Variants in KCNB2 observed in about 807,000 individuals in gnomAD.
KCNB2 encodes delayed rectifier potassium channel protein.
Under a neutral mutation model 61.5 loss-of-function variants are expected in KCNB2, and 15 were observed. That is an observed-to-expected ratio of 0.24 (90% CI 0.16 to 0.38). KCNB2 has a LOEUF of 0.38. Ranked by LOEUF, KCNB2 falls within the 10% of genes least tolerant of loss-of-function variation. The pLI is 1.00. For synonymous variants in KCNB2, 457 were observed against 446.0 expected (o/e 1.02, Z -0.31); for missense variants, 828 against 1,125.2 (o/e 0.74, Z 3.78).
chr8:72,845,758 C>T (rs1342414949), intron 2 of KCNB2, among the ~76,000 whole-genome samples: 1 of 138,298 alleles, frequency 7.2e-6, no homozygotes, highest in Non-Finnish European at 1.6e-5. Flanking sequence ...ATCACCTACT[C>T]AAGCCTCAGT....
intron 2 of KCNB2, among the ~76,000 whole-genome samples, chr8:72,698,859 TAACTC>T (rs1230407607): frequency 6.6e-6 from 1 of 152,074 alleles, no homozygotes; most frequent in African/African-American, 2.4e-5. Flanking sequence ...ATAAAAAAAT[TAACTC>T]AACATGAATT....
intron 2 of KCNB2, among the ~76,000 whole-genome samples, chr8:72,756,346 TA>T (rs1808289691): frequency 2.0e-5 from 3 of 152,202 alleles, no homozygotes; most frequent in African/African-American, 4.8e-5. Context: ...CTCTGAGTCT[TA>T]CCTCTGTGAT....
At chr8:72,932,694 G>A (rs1806813658) in intron 2 of KCNB2, among the ~76,000 whole-genome samples, 1 of 152,174 alleles carries the variant, frequency 6.6e-6, no homozygotes, top group Admixed American at 6.5e-5. Context: ...CACTCAGTCA[G>A]TGCTGAAACA....
chr8:72,568,749 T>C (rs1806665647), intron 2 of KCNB2, among the ~76,000 whole-genome samples: 1 of 151,810 alleles, frequency 6.6e-6, no homozygotes, highest in African/African-American at 2.4e-5. Flanking sequence ...TATGTAGAGG[T>C]TCAAGGAAAG....
intron 2 of KCNB2, among the ~76,000 whole-genome samples, chr8:72,690,349 G>T (rs1170744892): frequency 6.6e-6 from 1 of 152,166 alleles, no homozygotes; most frequent in African/African-American, 2.4e-5. Context: ...CTCCCAAGAA[G>T]CAAATTGCTG....
chr8:72,716,027 T>G (rs1453096981), intron 2 of KCNB2, among the ~76,000 whole-genome samples: 1 of 152,154 alleles, frequency 6.6e-6, no homozygotes, highest in Non-Finnish European at 1.5e-5. Context: ...GAGAATACTA[T>G]AAACATCTCT....
At chr8:72,633,651 C>T (rs1414371128) in intron 2 of KCNB2, among the ~76,000 whole-genome samples, 3 of 152,074 alleles carry the variant, frequency 2.0e-5, no homozygotes, top group Non-Finnish European at 2.9e-5. Flanking sequence ...ATTTTGGGAG[C>T]CCCCAGAAAG....
At chr8:72,621,808 T>C (rs1485977141) in intron 2 of KCNB2, among the ~76,000 whole-genome samples, 1 of 152,238 alleles carries the variant, frequency 6.6e-6, no homozygotes, top group Admixed American at 6.5e-5. Flanking sequence ...ATCTGTGGCA[T>C]GATTTCACTA....
intron 2 of KCNB2, among the ~76,000 whole-genome samples, chr8:72,799,692 T>A (rs1809090150): frequency 6.6e-6 from 1 of 152,058 alleles, no homozygotes; most frequent in African/African-American, 2.4e-5. Context: ...GACACAAAAG[T>A]AGCAAATACG....
chr8:72,668,792 T>C (rs1806518642), intron 2 of KCNB2, among the ~76,000 whole-genome samples: 1 of 152,142 alleles, frequency 6.6e-6, no homozygotes, highest in Non-Finnish European at 1.5e-5. Flanking sequence ...TCTCCCCAAC[T>C]AGATCTGAAG....
At chr8:72,693,708 G>A (rs960851147) in intron 2 of KCNB2, among the ~76,000 whole-genome samples, 1 of 152,176 alleles carries the variant, frequency 6.6e-6, no homozygotes, top group Non-Finnish European at 1.5e-5. Context: ...TAGTCACAGA[G>A]TTGTAGTTTG....
chr8:72,731,641 A>G (rs1387610022), intron 2 of KCNB2, among the ~76,000 whole-genome samples: 3 of 152,236 alleles, frequency 2.0e-5, no homozygotes, highest in Non-Finnish European at 4.4e-5. Context: ...GAGTGTGAAC[A>G]TATCATTTGA....
intron 2 of KCNB2, among the ~76,000 whole-genome samples, chr8:72,759,739 G>A (rs1808346880): frequency 1.3e-5 from 2 of 152,180 alleles, no homozygotes; most frequent in Admixed American, 1.3e-4. Context: ...GGTTCAGTCT[G>A]CCCCAGTTCT....
intron 1 of KCNB2, among the ~76,000 whole-genome samples, chr8:72,544,164 G>A (rs1245832968): frequency 6.6e-6 from 1 of 152,178 alleles, no homozygotes; most frequent in Admixed American, 6.5e-5. Flanking sequence ...AAAGGAGGTA[G>A]ATGGAGAGCA....
intron 2 of KCNB2, among the ~76,000 whole-genome samples, chr8:72,592,619 C>T (rs1807118943): frequency 6.6e-6 from 1 of 152,088 alleles, no homozygotes; most frequent in South Asian, 2.1e-4. Context: ...GATGCCACTG[C>T]TGGAAACACA....
intron 2 of KCNB2, among the ~76,000 whole-genome samples, chr8:72,916,507 T>C (rs923692842): frequency 6.6e-6 from 1 of 152,186 alleles, no homozygotes; most frequent in African/African-American, 2.4e-5. Context: ...GTGGTGTCTG[T>C]AACCCCTGAA....
At chr8:72,851,840 A>AAAACAAAAC (rs1554539000) in intron 2 of KCNB2, among the ~76,000 whole-genome samples, 1 of 134,462 alleles carries the variant, frequency 7.4e-6, no homozygotes, top group Non-Finnish European at 1.5e-5. Flanking sequence ...AAAAAAAAAA[A>AAAACAAAAC]AAAAAAAACA....
chr8:72,911,719 C>T (rs1488042736), intron 2 of KCNB2, among the ~76,000 whole-genome samples: 1 of 152,180 alleles, frequency 6.6e-6, no homozygotes, highest in Non-Finnish European at 1.5e-5. Context: ...TGCACTAATT[C>T]CTTCTTTTCA....
chr8:72,611,349 AG>A (rs774980658), intron 2 of KCNB2, among the ~76,000 whole-genome samples: 25 of 152,344 alleles, frequency 1.6e-4, no homozygotes, highest in Non-Finnish European at 3.2e-4. Context: ...AAATGTAGAT[AG>A]GGTCACCGTA....
Sources: allele counts gnomAD v4.1 joint callset (sites outside exome capture counted in the v4.1 genomes callset), GRCh38; gene constraint gnomAD v4.1.1; transcripts MANE v1.5; gene names NCBI Gene and HGNC (gene_info 2026-07-23, HGNC 2026-07-21).